Variants in VAPB observed in about 807,000 individuals in gnomAD.
VAPB encodes the protein VAMP associated protein B and C.
Under a neutral mutation model 25.6 loss-of-function variants are expected in VAPB, and 7 were observed. The ratio of observed to expected loss-of-function variants is 0.27; its 90% CI spans 0.16 to 0.51. The LOEUF is 0.51. Among genes scored for constraint, VAPB ranks in the 20% least tolerant of loss-of-function variants. The pLI, the probability that VAPB is intolerant of heterozygous loss-of-function variation, is 0.97. For missense variants in VAPB, 266 were observed against 301.3 expected (o/e 0.88, Z 0.87); for synonymous variants, 112 against 109.2 (o/e 1.03, Z -0.16).
At chr20:58,412,883 T>TAC (rs1988415831) in intron 1 of VAPB, among the ~76,000 whole-genome samples, 2 of 152,162 alleles carry the variant, frequency 1.3e-5, no homozygotes, top group South Asian at 4.1e-4. Flanking sequence ...GGAGACTGTT[T>TAC]AAAGATTTAA....
chr20:58,400,993 C>A, intron 1 of VAPB, among the ~76,000 whole-genome samples: 1 of 152,208 alleles, frequency 6.6e-6, no homozygotes, highest in East Asian at 1.9e-4. Context: ...TGCACACAAT[C>A]AAAACTTTTC....
At chr20:58,396,473 A>G (rs1468062879) in intron 1 of VAPB, among the ~76,000 whole-genome samples, 2 of 152,316 alleles carry the variant, frequency 1.3e-5, no homozygotes, top group African/African-American at 2.4e-5. Context: ...CTTTAAGACA[A>G]TGGGATGTAC....
At position 58,444,730 on chromosome 20, in the gene VAPB, C is replaced by T; in HGVS notation, c.*495C>T. On this transcript the variant is annotated 3_prime_UTR_variant, in exon 6 of 6. Transcript: ENST00000475243. The stretch of plus-strand genomic sequence containing the variant: ...TCTTCAGTTCTGTCCAAGCCATCAG[C>T]TCCTTGGGACTGATGAACAGAGTCA... 2.2e-6 allele frequency: 1 copy of T among 454,562 alleles called. No individual in the cohort carries two copies. Among genetic ancestry groups the T allele is most frequent in the South Asian group, 1.6e-5 (1 of 64,476 alleles). 28.2% of individuals were successfully genotyped at this position (454,562 alleles called of 1,614,324 possible). A position where few individuals can be genotyped will look rare whatever the true frequency, so the allele number is the denominator to read the frequency against.
At chr20:58,398,793 T>C (rs562760988) in intron 1 of VAPB, among the ~76,000 whole-genome samples, 1 of 152,204 alleles carries the variant, frequency 6.6e-6, no homozygotes, top group South Asian at 2.1e-4. Context: ...ACCCAAGTTA[T>C]GAACCTGACT....
At chr20:58,413,160 T>C (rs1418216282) in intron 1 of VAPB, among the ~76,000 whole-genome samples, 1 of 138,792 alleles carries the variant, frequency 7.2e-6, no homozygotes, top group Non-Finnish European at 1.6e-5. Flanking sequence ...TTTTTTAATT[T>C]ATTTTTTATT....
chr20:58,421,438 G>A (rs182152284), intron 2 of VAPB, among the ~76,000 whole-genome samples: 2 of 152,236 alleles, frequency 1.3e-5, no homozygotes, highest in Non-Finnish European at 2.9e-5. Context: ...AGAAATTTGT[G>A]TTTTCTCTTC....
At chr20:58,404,385 G>A (rs1988176350) in intron 1 of VAPB, among the ~76,000 whole-genome samples, 1 of 152,104 alleles carries the variant, frequency 6.6e-6, no homozygotes, top group Non-Finnish European at 1.5e-5. Flanking sequence ...TTTCACCCAA[G>A]TTCCCTACAG....
At chr20:58,400,055 G>A (rs530655637) in intron 1 of VAPB, among the ~76,000 whole-genome samples, 2 of 152,228 alleles carry the variant, frequency 1.3e-5, no homozygotes, top group Non-Finnish European at 1.5e-5. Context: ...TTTTAGAGAT[G>A]AGAGGCCTTT....
intron 1 of VAPB, among the ~76,000 whole-genome samples, chr20:58,403,352 G>T (rs1333231655): frequency 6.6e-6 from 1 of 151,880 alleles, no homozygotes; most frequent in African/African-American, 2.4e-5. Context: ...TTCCTTCCTT[G>T]TGCCTACAAA....
At chr20:58,409,147 C>T (rs1331551263) in intron 1 of VAPB, among the ~76,000 whole-genome samples, 1 of 152,098 alleles carries the variant, frequency 6.6e-6, no homozygotes, top group African/African-American at 2.4e-5. Flanking sequence ...TGTTCTATGC[C>T]TGCAAGTGCT....
At chr20:58,414,444 C>CT (rs1568707186) in intron 1 of VAPB, among the ~76,000 whole-genome samples, 1 of 150,186 alleles carries the variant, frequency 6.7e-6, no homozygotes, top group African/African-American at 2.5e-5. Context: ...AGCCGCCGGG[C>CT]GGAGGGTCTC....
In VAPB at chr20:58,434,705, A is replaced by AT; in HGVS notation, c.315_315+1insT (p.Trp106LeufsTer15). On this transcript the variant is annotated frameshift_variant and splice_region_variant. Coordinates refer to ENST00000475243, the MANE Select transcript of VAPB (RefSeq NM_004738.5). LOFTEE classifies it high-confidence loss of function. Reference sequence around the variant, plus strand: ...CTGACACTTCAGATATGGAAGCAGTAGTAAGTACTGAATGCTTCTTATTTT... The same window carrying AT: ...CTGACACTTCAGATATGGAAGCAGTATGTAAGTACTGAATGCTTCTTATTTT... The AT allele has an allele frequency of 7.0e-7, 1 of 1,428,906 alleles. No individual in the cohort carries two copies. The highest frequency in any genetic ancestry group is 1.1e-5 in the South Asian group (1 of 87,302). 88.5% of individuals were successfully genotyped at this position (1,428,906 alleles called of 1,614,324 possible).
chr20:58,404,039 C>G (rs959953014), intron 1 of VAPB, among the ~76,000 whole-genome samples: 2 of 152,202 alleles, frequency 1.3e-5, no homozygotes, highest in African/African-American at 2.4e-5. Flanking sequence ...TAGGTCCTTT[C>G]CCTTCCAGAC....
At chr20:58,429,176 A>G (rs1330201439) in intron 2 of VAPB, among the ~76,000 whole-genome samples, 1 of 151,426 alleles carries the variant, frequency 6.6e-6, no homozygotes, top group African/African-American at 2.4e-5. Context: ...AACTTTTCTC[A>G]GATCAAAAAC....
chr20:58,448,848 T>C lies in VAPB; in HGVS notation c.*4613T>C. On this transcript the variant is annotated 3_prime_UTR_variant, in exon 6 of 6. Coordinates refer to ENST00000475243, the MANE Select transcript of VAPB (RefSeq NM_004738.5). ...TCTGCTGATGCTCCTGGAGAATGAC[T>C]TTGGGGGCTTTAGAAAGAATATTGC... 2.2e-6 allele frequency: 1 copy of C among 454,122 alleles called. No individual in the cohort carries two copies. The highest frequency in any genetic ancestry group is 1.6e-5 in the South Asian group (1 of 64,474). The allele number at this position is 454,122 out of a possible 1,614,324, so 28.1% of individuals were successfully genotyped here.
At chr20:58,434,349 C>T (rs1241278746) in intron 2 of VAPB, among the ~76,000 whole-genome samples, 2 of 152,160 alleles carry the variant, frequency 1.3e-5, no homozygotes, top group Non-Finnish European at 2.9e-5. Flanking sequence ...GTGAAAGATC[C>T]ATGGACTAGG....
intron 2 of VAPB, among the ~76,000 whole-genome samples, chr20:58,420,742 T>C (rs1326764202): frequency 6.6e-6 from 1 of 152,220 alleles, no homozygotes; most frequent in Non-Finnish European, 1.5e-5. Context: ...ATTTGGTATT[T>C]AGCTCAGTGC....
rs1327860363 is a variant in VAPB at position 58,389,659 on chromosome 20, C to G, written c.58+142C>G. 5 of 896,806 alleles carry G rather than the reference C, an allele frequency of 5.6e-6. No individual in the cohort carries two copies. In the East Asian group the frequency reaches 1.1e-4, roughly 19 times the overall value. 55.6% of individuals were successfully genotyped at this position (896,806 alleles called of 1,614,324 possible). A position where few individuals can be genotyped will look rare whatever the true frequency, so the allele number is the denominator to read the frequency against. ...GGGGGGCGGCGAGGCCGGGCCGGGC[C>G]TTGGCGCTCGCCGCGCTCCCCAGAA... On this transcript the variant is annotated intron_variant, in intron 1 of 5. Coordinates refer to ENST00000475243, the MANE Select transcript of VAPB (RefSeq NM_004738.5).
At chr20:58,437,852 T>C (rs1989082564) in intron 3 of VAPB, among the ~76,000 whole-genome samples, 1 of 152,180 alleles carries the variant, frequency 6.6e-6, no homozygotes, top group Admixed American at 6.5e-5. Context: ...TATAGATTGC[T>C]TCCCACTTTT....
Sources: gnomAD v4.1 joint callset for allele counts (sites outside exome capture counted in the v4.1 genomes callset) on GRCh38, gnomAD v4.1.1 for gene constraint, MANE v1.5 for transcripts, NCBI Gene and HGNC (gene_info 2026-07-23, HGNC 2026-07-21) for gene names.